UBASH3B: variants seen among roughly 807,000 people sequenced by gnomAD.
UBASH3B encodes the protein ubiquitin-associated and SH3 domain-containing protein B.
In UBASH3B, 37 loss-of-function variants were observed where a neutral mutation model predicts 83.4. The observed-to-expected ratio is 0.44, with a 90% confidence interval of 0.34 to 0.58. The LOEUF is 0.58. Ranked by LOEUF, UBASH3B falls within the 20% of genes least tolerant of loss-of-function variation. UBASH3B has a pLI of 0.01. For missense variants in UBASH3B, 657 were observed against 827.2 expected (o/e 0.79, Z 2.52); for synonymous variants, 304 against 318.3 (o/e 0.96, Z 0.48).
chr11:122,763,086 G>T (rs1171437291), intron 1 of UBASH3B, among the ~76,000 whole-genome samples: 1 of 152,138 alleles, frequency 6.6e-6, no homozygotes, highest in Admixed American at 6.5e-5. Context: ...CAGTCCCATC[G>T]CTAATGAGAG....
At chr11:122,696,905 C>T (rs1316522) in intron 1 of UBASH3B, among the ~76,000 whole-genome samples, 2,470 of 152,278 alleles carry the variant, frequency 0.016, 201 homozygotes, top group Admixed American at 0.13. Flanking sequence ...GGGGTTCCTC[C>T]CGCCCTGCCC....
Position 122,759,149 on chromosome 11 carries a change from G to A in UBASH3B, c.162-17070G>A, listed in dbSNP as rs747555184. Among the ~76,000 whole-genome samples, 3 of 152,182 alleles carry A rather than the reference G, an allele frequency of 2.0e-5. No homozygotes were observed. Among genetic ancestry groups the A allele is most frequent in the Non-Finnish European group, 2.9e-5 (2 of 68,038 alleles). ...CACTTATAAGCTCACCCACATTGTT[G>A]GCAGAAGTCATTTCCTTTTGGTTAT... On this transcript the variant is annotated intron_variant, in intron 1 of 13. Coordinates refer to ENST00000284273, the MANE Select transcript of UBASH3B (RefSeq NM_032873.5). This position sits in a 1 kb window ranked among gnomAD's most constrained non-coding sequence, Gnocchi z 4.1.
chr11:122,784,307 G>C (rs560915626), intron 5 of UBASH3B, among the ~76,000 whole-genome samples: 1 of 152,282 alleles, frequency 6.6e-6, no homozygotes, highest in South Asian at 2.1e-4. Context: ...TTTAGGGCTA[G>C]AGATGAAGCA....
chr11:122,758,175 C>T lies in UBASH3B; in HGVS notation c.162-18044C>T, dbSNP rs1040255151. ...GCGAAGATGTGGCCGGGGGTGGGGCCGGTCTGGGGGGTATCGTAGTTGGGC... is the reference window on the plus strand; with the variant it reads ...GCGAAGATGTGGCCGGGGGTGGGGCTGGTCTGGGGGGTATCGTAGTTGGGC... On this transcript the variant is annotated intron_variant, in intron 1 of 13. Coordinates refer to ENST00000284273, the MANE Select transcript of UBASH3B (RefSeq NM_032873.5). This position sits in a 1 kb window ranked among gnomAD's most constrained non-coding sequence, Gnocchi z 4.2. Among the ~76,000 whole-genome samples, 3 of 151,930 alleles carry T rather than the reference C, an allele frequency of 2.0e-5. No homozygotes were observed. The highest frequency in any genetic ancestry group is 1.9e-4 in the East Asian group (1 of 5,184).
chr11:122,783,454 G>C (rs1482878590), intron 5 of UBASH3B, among the ~76,000 whole-genome samples: 3 of 152,012 alleles, frequency 2.0e-5, no homozygotes, highest in Admixed American at 1.3e-4. Flanking sequence ...CATCCCCCTA[G>C]TTCTGTCTCC....
intron 7 of UBASH3B, among the ~76,000 whole-genome samples, chr11:122,795,534 A>G (rs1861140006): frequency 2.0e-5 from 3 of 152,266 alleles, no homozygotes; most frequent in Non-Finnish European, 4.4e-5. Context: ...TATAGAAGCC[A>G]AAGTCATTTG....
rs545267390 is a variant in UBASH3B, at chr11:122,806,436, T to C, written c.1622T>C (p.Val541Ala). Residue 541 changes from valine to alanine, a missense_variant, in exon 12 of 14, where the codon GTT becomes GCT. Val to Ala is a moderately conservative substitution (Grantham distance 64, BLOSUM62 0). Transcript: ENST00000284273. This position sits in a 1 kb window ranked among gnomAD's most constrained non-coding sequence, Gnocchi z 4.0. ...YRPHIPISKL[V>A]VSESYDTYIS... ...CCTCACATTCCAATCAGCAAATTAGTTGTTTCAGAATCCTATGATACTTAT... is the reference window on the plus strand; with the variant it reads ...CCTCACATTCCAATCAGCAAATTAGCTGTTTCAGAATCCTATGATACTTAT... The C allele has an allele frequency of 1.4e-5, 22 of 1,604,274 alleles. No homozygotes were observed. The South Asian group carries it at 2.0e-4, about 15-fold the overall frequency.
chr11:122,706,109 T>TC (rs1864116165), intron 1 of UBASH3B, among the ~76,000 whole-genome samples: 1 of 143,064 alleles, frequency 7.0e-6, no homozygotes, highest in Non-Finnish European at 1.5e-5. Flanking sequence ...TTTCTTTCTT[T>TC]TTTTTTTTTT....
intron 1 of UBASH3B, among the ~76,000 whole-genome samples, chr11:122,688,591 C>T (rs529860330): frequency 1.3e-5 from 2 of 150,090 alleles, no homozygotes; most frequent in South Asian, 4.2e-4. Flanking sequence ...GGACTACAGA[C>T]GCCCGCCACC....
In UBASH3B at chr11:122,813,485, G is replaced by T. The variant is rs1277521018; in HGVS notation, c.*3599G>T. 6.6e-6 allele frequency: 1 copy of T among 152,202 alleles called. No individual in the cohort carries two copies. The highest frequency in any genetic ancestry group is 1.5e-5 in the Non-Finnish European group (1 of 68,036). 9.4% of individuals were successfully genotyped at this position (152,202 alleles called of 1,614,324 possible). On this transcript the variant is annotated 3_prime_UTR_variant, in exon 14 of 14. Coordinates refer to ENST00000284273, the MANE Select transcript of UBASH3B (RefSeq NM_032873.5). Reference sequence around the variant, plus strand: ...ATTACTCTAAGTAATCCATGTGTTAGAATACAGATGAACCTCCGTTTGATT... The same window carrying T: ...ATTACTCTAAGTAATCCATGTGTTATAATACAGATGAACCTCCGTTTGATT...
intron 1 of UBASH3B, among the ~76,000 whole-genome samples, chr11:122,685,101 G>T (rs1219032905): frequency 6.6e-6 from 1 of 152,132 alleles, no homozygotes; most frequent in Non-Finnish European, 1.5e-5. Context: ...CACCAATTCT[G>T]GGTCTTTTCC....
At chr11:122,768,579 T>C (rs1246775274) in intron 1 of UBASH3B, among the ~76,000 whole-genome samples, 2 of 150,956 alleles carry the variant, frequency 1.3e-5, no homozygotes, top group African/African-American at 4.9e-5. Flanking sequence ...AATCTCGGCT[T>C]GCTGCAACTT....
chr11:122,682,326 A>C (rs1197258556), intron 1 of UBASH3B, among the ~76,000 whole-genome samples: 2 of 152,174 alleles, frequency 1.3e-5, no homozygotes, highest in African/African-American at 4.8e-5. Flanking sequence ...ATGAGATCTC[A>C]TCTCATCCTC....
At chr11:122,686,054 C>T (rs1181570463) in intron 1 of UBASH3B, among the ~76,000 whole-genome samples, 2 of 152,174 alleles carry the variant, frequency 1.3e-5, no homozygotes, top group Non-Finnish European at 1.5e-5. Context: ...GCAAGACCAC[C>T]AGTCCCTTCT....
intron 1 of UBASH3B, among the ~76,000 whole-genome samples, chr11:122,767,165 C>G (rs1340641063): frequency 6.6e-6 from 1 of 151,792 alleles, no homozygotes; most frequent in Non-Finnish European, 1.5e-5. Context: ...GTAATCCCAG[C>G]TACTCGGGAG....
At chr11:122,734,901 G>T (rs7105044) in intron 1 of UBASH3B, among the ~76,000 whole-genome samples, 6 of 151,416 alleles carry the variant, frequency 4.0e-5, no homozygotes, top group African/African-American at 1.5e-4. Flanking sequence ...TCTTTTCTAG[G>T]TCACCATTGC....
At chr11:122,662,972 CT>C (rs568564848) in intron 1 of UBASH3B, among the ~76,000 whole-genome samples, 3,573 of 110,546 alleles carry the variant, frequency 0.032, 19 homozygotes, top group African/African-American at 0.04. Flanking sequence ...GCGCTAATGT[CT>C]TTTTTTTTTT....
intron 1 of UBASH3B, 77 bp downstream of exon 1, chr11:122,656,287 T>C (rs1863361777): frequency 5.5e-6 from 7 of 1,268,254 alleles, no homozygotes; most frequent in Non-Finnish European, 7.0e-6. Flanking sequence ...CCGGCTCGCC[T>C]CCCAGCGCCT....
chr11:122,779,179 T>C (rs1203417444), intron 3 of UBASH3B, among the ~76,000 whole-genome samples: 1 of 152,192 alleles, frequency 6.6e-6, no homozygotes, highest in Non-Finnish European at 1.5e-5. Flanking sequence ...TTGACCAATA[T>C]CTCCCCAATC....
Sources: gnomAD v4.1 joint callset for allele counts (sites outside exome capture counted in the v4.1 genomes callset) on GRCh38, gnomAD v4.1.1 for gene constraint, Gnocchi (gnomAD v3.1) non-coding constraint, MANE v1.5 for transcripts, NCBI Gene and HGNC (gene_info 2026-07-23, HGNC 2026-07-21) for gene names.